PTPRK: variants seen among roughly 807,000 people sequenced by gnomAD.
The protein encoded by PTPRK is receptor-type tyrosine-protein phosphatase kappa.
In PTPRK, 75 loss-of-function variants were observed where a neutral mutation model predicts 178.0. The observed-to-expected ratio is 0.42, with a 90% confidence interval of 0.35 to 0.51. The LOEUF (loss-of-function observed/expected upper bound fraction) is 0.51. Among genes scored for constraint, PTPRK ranks in the 20% least tolerant of loss-of-function variants. The pLI is 0.02. For missense variants in PTPRK, 1,441 were observed against 1,797.8 expected (o/e 0.80, Z 3.59); for synonymous variants, 637 against 620.6 (o/e 1.03, Z -0.39).
At chr6:128,242,478 G>A (rs1814644683) in intron 4 of PTPRK, 43 bp downstream of exon 4, 2 of 1,595,544 alleles carry the variant, frequency 1.3e-6, no homozygotes, top group Non-Finnish European at 1.7e-6. Context: ...TAAGGCAAGT[G>A]TGGAAAGGAC....
At chr6:128,257,437 T>C (rs1158719185) in intron 3 of PTPRK, among the ~76,000 whole-genome samples, 2 of 152,162 alleles carry the variant, frequency 1.3e-5, no homozygotes, top group African/African-American at 4.8e-5. Context: ...ATTCAAGAAC[T>C]GGAATCTCAT....
At chr6:127,985,584 G>C in intron 22 of PTPRK, 137 bp downstream of exon 22, 1 of 948,444 alleles carries the variant, frequency 1.1e-6, no homozygotes, top group Middle Eastern at 3.6e-4. Flanking sequence ...TTATTTTATT[G>C]CTGTTTTACT....
intron 2 of PTPRK, among the ~76,000 whole-genome samples, chr6:128,388,366 C>T (rs1839067300): frequency 6.6e-6 from 1 of 152,094 alleles, no homozygotes; most frequent in Non-Finnish European, 1.5e-5. Flanking sequence ...GAGGCAAAGA[C>T]ATAAGAAAAA....
chr6:128,454,173 A>G (rs1848125922), intron 1 of PTPRK, among the ~76,000 whole-genome samples: 1 of 152,150 alleles, frequency 6.6e-6, no homozygotes, highest in East Asian at 1.9e-4. Flanking sequence ...ATGAACCACA[A>G]AAAGGGCCCT....
At chr6:128,456,711 G>A (rs1469101778) in intron 1 of PTPRK, among the ~76,000 whole-genome samples, 1 of 152,000 alleles carries the variant, frequency 6.6e-6, no homozygotes, top group Non-Finnish European at 1.5e-5. Flanking sequence ...TTGGACTATG[G>A]ACAACTGCCT....
At chr6:128,407,963 A>G (rs1380762252) in intron 1 of PTPRK, among the ~76,000 whole-genome samples, 1 of 152,246 alleles carries the variant, frequency 6.6e-6, no homozygotes, top group East Asian at 1.9e-4. Flanking sequence ...GTAGTATTAT[A>G]GCTTTCATGA....
At chr6:128,268,898 A>G (rs1263902677) in intron 3 of PTPRK, among the ~76,000 whole-genome samples, 3 of 152,130 alleles carry the variant, frequency 2.0e-5, no homozygotes, top group Admixed American at 6.6e-5. Flanking sequence ...TTACCAACAC[A>G]TAGGTAAATA....
At chr6:128,349,602 T>C (rs1228480426) in intron 2 of PTPRK, among the ~76,000 whole-genome samples, 1 of 151,536 alleles carries the variant, frequency 6.6e-6, no homozygotes, top group South Asian at 2.1e-4. Context: ...GATTCTGTTA[T>C]AAGGGAGAGA....
At chr6:127,984,413 A>G (rs1775716834) in intron 22 of PTPRK, among the ~76,000 whole-genome samples, 1 of 152,166 alleles carries the variant, frequency 6.6e-6, no homozygotes, top group South Asian at 2.1e-4. Context: ...CCAATTTTAT[A>G]TATAGAAGTC....
chr6:128,441,856 A>C (rs1846327824), intron 1 of PTPRK, among the ~76,000 whole-genome samples: 1 of 152,204 alleles, frequency 6.6e-6, no homozygotes, highest in South Asian at 2.1e-4. Context: ...TATCATTCTA[A>C]AGAGAAGCCA....
At chr6:128,135,078 T>TCACACACACA (rs34254716) in intron 7 of PTPRK, among the ~76,000 whole-genome samples, 3,630 of 136,296 alleles carry the variant, frequency 0.027, 184 homozygotes, top group East Asian at 0.25. Flanking sequence ...AATCATTCAA[T>TCACACACACA]CACACACACA....
In PTPRK at chr6:128,046,752, T is replaced by C. The variant is rs184152688; in HGVS notation, c.2194+18006A>G. 1.3e-3 allele frequency among the ~76,000 whole-genome samples: 193 copies of C among 152,058 alleles called. 4 individuals carry two copies. Among genetic ancestry groups the C allele is most frequent in the African/African-American group, 4.5e-3 (186 of 41,496 alleles). ...TTCTGTGAGGGATGAAACACAAGAG[T>C]GCAATTTAAGAGTGGAGATTGTGGA... On this transcript the variant is annotated intron_variant, in intron 13 of 29. Coordinates refer to ENST00000368226, the MANE Select transcript of PTPRK (RefSeq NM_002844.4).
chr6:128,464,641 A>ATATATATATATATGTATATATATG (rs1554271860), intron 1 of PTPRK, among the ~76,000 whole-genome samples: 1 of 64,606 alleles, frequency 1.5e-5, no homozygotes, highest in East Asian at 3.7e-4. Context: ...ATATACACAT[A>ATATATATATATATGTATATATATG]TATATATATA....
intron 7 of PTPRK, among the ~76,000 whole-genome samples, chr6:128,180,469 C>G (rs1022874033): frequency 6.6e-6 from 1 of 152,034 alleles, no homozygotes; most frequent in Non-Finnish European, 1.5e-5. Context: ...CCCTCAGGTT[C>G]CTAGAGAAGC....
chr6:128,029,913 C>T (rs1775020696), intron 13 of PTPRK, among the ~76,000 whole-genome samples: 1 of 151,992 alleles, frequency 6.6e-6, no homozygotes, highest in Non-Finnish European at 1.5e-5. Flanking sequence ...TTTGGATGCA[C>T]ATGATTTATT....
At chr6:128,155,863 G>A (rs1329852371) in intron 7 of PTPRK, among the ~76,000 whole-genome samples, 9 of 151,744 alleles carry the variant, frequency 5.9e-5, no homozygotes, top group Admixed American at 3.3e-4. Flanking sequence ...ATCAGTCATT[G>A]CTCCAAAGAG....
chr6:128,274,613 A>G (rs1820423334), intron 3 of PTPRK, among the ~76,000 whole-genome samples: 1 of 152,072 alleles, frequency 6.6e-6, no homozygotes. Flanking sequence ...CAGATTTAAA[A>G]ACTCAGGTTG....
intron 11 of PTPRK, among the ~76,000 whole-genome samples, chr6:128,071,426 A>G (rs1782804631): frequency 6.6e-6 from 1 of 152,054 alleles, no homozygotes; most frequent in Admixed American, 6.6e-5. Flanking sequence ...CTACTTTTCT[A>G]TAACATCACC....
chr6:128,046,307 C>T (rs1254558122), intron 13 of PTPRK, among the ~76,000 whole-genome samples: 1 of 152,120 alleles, frequency 6.6e-6, no homozygotes, highest in African/African-American at 2.4e-5. Flanking sequence ...AAGAATGATA[C>T]ACACTTGCTC....
Sources: allele counts gnomAD v4.1 joint callset (sites outside exome capture counted in the v4.1 genomes callset), GRCh38; gene constraint gnomAD v4.1.1; transcripts MANE v1.5; gene names NCBI Gene and HGNC (gene_info 2026-07-23, HGNC 2026-07-21).